DNAH14: variants seen among roughly 807,000 people sequenced by gnomAD.
DNAH14 encodes the protein dynein axonemal heavy chain 14, also known as axonemal beta dynein heavy chain 14.
A neutral mutation model predicts 520.9 loss-of-function variants in DNAH14; 478 were observed. The ratio of observed to expected loss-of-function variants is 0.92; its 90% confidence interval spans 0.85 to 0.99. The LOEUF is 0.99. DNAH14 is among the 50% of genes least tolerant of loss of function. The probability of loss-of-function intolerance (pLI) is 0.00; values close to 1 mark genes in which losing one functional copy is unlikely to be tolerated. For synonymous variants in DNAH14, 1,581 were observed against 1,757.2 expected (o/e 0.90, Z 2.51); for missense variants, 4,831 against 5,234.5 (o/e 0.92, Z 2.38).
chr1:225,300,833 T>C (rs2150066387), intron 55 of DNAH14, 36 bp from the exon 56 acceptor site: 1 of 1,539,406 alleles, frequency 6.5e-7, no homozygotes. Flanking sequence ...ATATGAATAA[T>C]TTACTCTTCC....
At position 225,346,256 on chromosome 1, in the gene DNAH14, T is replaced by G. The variant is rs1168575185; in HGVS notation, c.10973T>G (p.Val3658Gly). The change falls in exon 70 of 86, where the codon GTG (valine) becomes GGG (glycine). Residue 3658 changes from valine to glycine, a missense_variant. Val to Gly is a moderately radical substitution (Grantham distance 109, BLOSUM62 -3). Transcript: ENST00000682510. Reference protein sequence around the residue: ...EQEHSFKREKVSPKEVHEFIS... With the variant: ...EQEHSFKREKGSPKEVHEFIS... ...GAACATAGTTTTAAAAGGGAGAAAG[T>G]GTCTCCAAAAGAAGTTCATGAGTTT... The G allele has an allele frequency of 3.9e-6, 6 of 1,551,412 alleles. No homozygotes were observed. Among genetic ancestry groups the G allele is most frequent in the African/African-American group, 1.4e-5 (1 of 73,044 alleles).
chr1:225,247,820 A>AT (rs1224571970), intron 43 of DNAH14, among the ~76,000 whole-genome samples: 3 of 152,030 alleles, frequency 2.0e-5, no homozygotes, highest in Admixed American at 1.3e-4. Flanking sequence ...AAGTCAGGAG[A>AT]CCTCCTGGCT....
Position 225,374,756 on chromosome 1 carries a change from C to A in DNAH14, c.12387C>A (p.Tyr4129Ter), listed in dbSNP as rs545057042. The change falls in exon 78 of 86, where the codon TAC becomes TAA. Residue 4129 changes from tyrosine (Y) to a stop codon, truncating the protein, a stop_gained. Coordinates refer to ENST00000682510, the MANE Select transcript of DNAH14 (RefSeq NM_001367479.1). LOFTEE classifies it high-confidence loss of function. The stretch of plus-strand genomic sequence containing the variant: ...GCATTTCGTGGCAAGCACTGCGCTA[C>A]CTGATTGGAGAAGTGATTTACGGTG... ...QPSISWQALR[Y>*]LIGEVIYGGR... 1 of 1,551,418 alleles carries A rather than the reference C, an allele frequency of 6.4e-7. No homozygotes were observed. The highest frequency in any genetic ancestry group is 8.7e-7 in the Non-Finnish European group (1 of 1,146,938).
intron 42 of DNAH14, among the ~76,000 whole-genome samples, chr1:225,240,273 A>G (rs1307970326): frequency 6.7e-6 from 1 of 150,024 alleles, no homozygotes; most frequent in Non-Finnish European, 1.5e-5. Context: ...ATATTAAATA[A>G]CATACTAAAC....
At chr1:225,194,288 A>G (rs1304700616) in intron 38 of DNAH14, among the ~76,000 whole-genome samples, 1 of 152,168 alleles carries the variant, frequency 6.6e-6, no homozygotes, top group African/African-American at 2.4e-5. Flanking sequence ...TACAGTAACC[A>G]AAACAACATG....
chr1:225,356,916 T>C (rs895777917), intron 73 of DNAH14, among the ~76,000 whole-genome samples: 12 of 152,308 alleles, frequency 7.9e-5, no homozygotes, highest in Admixed American at 7.2e-4. Context: ...AGTATAGTGA[T>C]CCTATCTTCC....
chr1:225,002,875 T>A lies in DNAH14; in HGVS notation c.923T>A (p.Leu308His), dbSNP rs1464624150. The change falls in exon 9 of 86, where the codon CTC becomes CAC. Residue 308 changes from leucine (L) to histidine (H), a missense_variant. Coordinates refer to ENST00000682510, the MANE Select transcript of DNAH14 (RefSeq NM_001367479.1). Reference protein sequence around the residue: ...IRGLCEDAINLKNYNDHENNL... With the variant: ...IRGLCEDAINHKNYNDHENNL... ...GGACTTTGTGAAGATGCAATTAATC[T>A]CAAAAATTATAATGACCATGAAAAT... The A allele has an allele frequency of 6.5e-7, 1 of 1,549,508 alleles. No individual in the cohort carries two copies. Among genetic ancestry groups the A allele is most frequent in the East Asian group, 2.5e-5 (1 of 40,728 alleles).
chr1:224,959,734 C>T (rs893213411), intron 3 of DNAH14, among the ~76,000 whole-genome samples: 6 of 152,122 alleles, frequency 3.9e-5, no homozygotes, highest in Non-Finnish European at 8.8e-5. Context: ...GTATTTATTT[C>T]ATGTGAGGAT....
chr1:225,313,442 C>T (rs2094409797), intron 60 of DNAH14, among the ~76,000 whole-genome samples: 1 of 152,174 alleles, frequency 6.6e-6, no homozygotes, highest in Non-Finnish European at 1.5e-5. Context: ...CTATCTCCTT[C>T]AGTTCTGCTC....
intron 8 of DNAH14, among the ~76,000 whole-genome samples, chr1:224,986,129 A>AT (rs1558602574): frequency 1.3e-5 from 2 of 150,416 alleles, no homozygotes; most frequent in East Asian, 4.2e-4. Flanking sequence ...CAAAGCTGTA[A>AT]TAAAAAAAAG....
chr1:225,288,611 T>C (rs952775117), intron 54 of DNAH14, among the ~76,000 whole-genome samples: 5 of 152,076 alleles, frequency 3.3e-5, no homozygotes, highest in African/African-American at 4.8e-5. Context: ...TTTCTGTGAG[T>C]CTAAAACTCT....
intron 41 of DNAH14, among the ~76,000 whole-genome samples, chr1:225,216,406 G>A (rs1296726773): frequency 6.6e-6 from 1 of 152,110 alleles, no homozygotes; most frequent in Non-Finnish European, 1.5e-5. Context: ...TATCTTTGTG[G>A]CATTCTCTGT....
At chr1:225,059,229 A>C (rs1412632362) in intron 17 of DNAH14, among the ~76,000 whole-genome samples, 1 of 152,156 alleles carries the variant, frequency 6.6e-6, no homozygotes, top group African/African-American at 2.4e-5. Flanking sequence ...CTGCATAGAT[A>C]TTTAGGATAG....
intron 53 of DNAH14, 132 bp from the exon 54 acceptor site, chr1:225,277,278 C>T (rs2093508781): frequency 2.9e-6 from 1 of 346,428 alleles, no homozygotes; most frequent in East Asian, 7.8e-5. Flanking sequence ...TAATGATAAC[C>T]AGCTTACTAG....
intron 71 of DNAH14, among the ~76,000 whole-genome samples, chr1:225,347,709 T>C (rs746317528): frequency 7.2e-5 from 11 of 152,096 alleles, no homozygotes; most frequent in East Asian, 1.9e-4. Context: ...ACTAGGCTGA[T>C]TGGTGAGGGT....
chr1:225,003,430 A>T (rs559159383), intron 9 of DNAH14, among the ~76,000 whole-genome samples: 1 of 152,062 alleles, frequency 6.6e-6, no homozygotes, highest in Non-Finnish European at 1.5e-5. Context: ...ATTCTAGCAG[A>T]TTTTACTTCA....
chr1:225,094,656 CAAAAAA>C (rs760828776), intron 21 of DNAH14, among the ~76,000 whole-genome samples: 1 of 77,862 alleles, frequency 1.3e-5, no homozygotes, highest in Non-Finnish European at 3.4e-5. Flanking sequence ...TTCTGCACAG[CAAAAAA>C]AAAAAAAAAA....
intron 54 of DNAH14, among the ~76,000 whole-genome samples, chr1:225,280,780 A>G (rs371043361): frequency 6.6e-6 from 1 of 152,180 alleles, no homozygotes. Flanking sequence ...GGAATTCTCA[A>G]TAAGATTTAC....
intron 69 of DNAH14, 142 bp from the exon 70 acceptor site, chr1:225,345,820 A>G: frequency 1.6e-6 from 1 of 620,046 alleles, no homozygotes; most frequent in Non-Finnish European, 2.7e-6. Flanking sequence ...ATATTACCTA[A>G]CTTCATTTAA....
Sources: gnomAD v4.1 joint callset for allele counts (sites outside exome capture counted in the v4.1 genomes callset) on GRCh38, gnomAD v4.1.1 for gene constraint, MANE v1.5 for transcripts, NCBI Gene and HGNC (gene_info 2026-07-23, HGNC 2026-07-21) for gene names.